Variants in ZNF600 observed in about 807,000 individuals in gnomAD.
The protein encoded by ZNF600 is zinc finger protein KR-ZNF1.
In ZNF600, 4 loss-of-function variants were observed where a neutral mutation model predicts 7.3. The observed-to-expected ratio is 0.55, with a 90% CI of 0.27 to 1.25. The LOEUF (loss-of-function observed/expected upper bound fraction) is 1.25, where lower values mean the gene tolerates loss of function less well. Among genes scored for constraint, ZNF600 ranks in the 50% most tolerant of loss-of-function variants. ZNF600 has a pLI of 0.12. For synonymous variants in ZNF600, 290 were observed against 308.9 expected, an observed-to-expected ratio of 0.94 and a Z score of 0.64; for missense variants, 911 against 922.1, an observed-to-expected ratio of 0.99 and a Z score of 0.16.
At position 52,767,679 on chromosome 19, in the gene ZNF600, C is replaced by A. The variant is rs759641506; in HGVS notation, c.284G>T (p.Ser95Ile). The A allele has an allele frequency of 2.5e-6, 4 of 1,613,994 alleles. No individual in the cohort carries two copies. The South Asian group carries it at 4.4e-5, about 18-fold the overall frequency. ...GAAGCAAAAATCTCCAATGTGATAA[C>A]TTTGATATCTTTGCAATGTCCCTGT... Residue 95 changes from serine (S) to isoleucine (I), a missense_variant, in exon 4 of 4, where the codon AGT becomes ATT. By Grantham distance (142) the Ser-to-Ile change is moderately radical. Transcript: ENST00000648973.
At chr19:52,774,416 C>T (rs764424240) in intron 3 of ZNF600, among the ~76,000 whole-genome samples, 159 bp downstream of exon 5, 4 of 145,206 alleles carry the variant, frequency 2.8e-5, no homozygotes, top group Non-Finnish European at 4.5e-5. Flanking sequence ...GTAACAAGAG[C>T]GAAGATCCAT....
the ZNF600 span, chr19:52,809,688 C>G: frequency 5.7e-5 from 21 of 367,892 alleles, no homozygotes; most frequent in Non-Finnish European, 1.4e-5. Context: ...TGCCTGTAAT[C>G]TCAGCTACTC....
At chr19:52,823,462 C>CA in the ZNF600 span, among the ~76,000 whole-genome samples, 2 of 152,148 alleles carry the variant, frequency 1.3e-5, no homozygotes, top group African/African-American at 4.8e-5. Flanking sequence ...GTGATCCACC[C>CA]ACCTTAGCCT....
the ZNF600 span, chr19:52,800,994 G>A: frequency 1.2e-6 from 2 of 1,614,160 alleles, no homozygotes; most frequent in South Asian, 1.1e-5. Context: ...GAAGAGGGAT[G>A]TATTGTGACC....
chr19:52,765,607 C>A, exon 4 of ZNF600: 1 of 1,613,720 alleles, frequency 6.2e-7, no homozygotes, highest in Non-Finnish European at 8.5e-7. Flanking sequence ...TTCCCTACAC[C>A]ATGAACTGCC....
At chr19:52,821,450 G>A in the ZNF600 span, 5 of 152,290 alleles carry the variant, frequency 3.3e-5, no homozygotes, top group African/African-American at 1.2e-4. Flanking sequence ...CGGACTCCCA[G>A]TAGAACATCT....
At chr19:52,790,342 CA>C (rs1175366035), upstream of ZNF600, among the ~76,000 whole-genome samples, 2 of 152,028 alleles carry the variant, frequency 1.3e-5, no homozygotes, top group African/African-American at 4.8e-5. Context: ...ACTAAAAATA[CA>C]AAAATTTTGC....
At chr19:52,766,953 T>C (rs1345300733) in exon 4 of ZNF600, 1 of 1,614,176 alleles carries the variant, frequency 6.2e-7, no homozygotes, top group Non-Finnish European at 8.5e-7. Context: ...TTCTCCAGTA[T>C]GAATTGCCTT....
the ZNF600 span, among the ~76,000 whole-genome samples, chr19:52,792,550 C>G: frequency 1.3e-5 from 2 of 151,950 alleles, no homozygotes; most frequent in Non-Finnish European, 2.9e-5. Context: ...GAGACTTCAT[C>G]TCAAAAAATA....
the ZNF600 span, among the ~76,000 whole-genome samples, chr19:52,822,441 G>T: frequency 6.6e-6 from 1 of 152,004 alleles, no homozygotes; most frequent in Non-Finnish European, 1.5e-5. Context: ...AATCTTCCCC[G>T]AAATGAGAAA....
At chr19:52,803,730 G>C in the ZNF600 span, among the ~76,000 whole-genome samples, 1 of 152,140 alleles carries the variant, frequency 6.6e-6, no homozygotes, top group Non-Finnish European at 1.5e-5. Flanking sequence ...ACTTTGGTAG[G>C]CTGAGGCAGG....
intron 1 of ZNF600, among the ~76,000 whole-genome samples, chr19:52,780,279 T>C (rs1388857070): frequency 6.6e-6 from 1 of 152,070 alleles, no homozygotes; most frequent in Non-Finnish European, 1.5e-5. Context: ...GTTTCACAGC[T>C]GCAGTGTCAA....
chr19:52,808,920 T>G, the ZNF600 span, among the ~76,000 whole-genome samples: 11 of 152,204 alleles, frequency 7.2e-5, no homozygotes, highest in South Asian at 1.0e-3. Flanking sequence ...AAACACTAGA[T>G]GTGAATACAA....
chr19:52,765,601 C>T (rs1474439913), exon 4 of ZNF600: 1 of 1,613,754 alleles, frequency 6.2e-7, no homozygotes, highest in Non-Finnish European at 8.5e-7. Context: ...TCAAGTTTCC[C>T]TACACCATGA....
intron 3 of ZNF600, among the ~76,000 whole-genome samples, chr19:52,768,655 C>T (rs1055499179): frequency 9.2e-5 from 14 of 151,926 alleles, no homozygotes; most frequent in East Asian, 1.9e-4. Context: ...AAGTGATCCT[C>T]CTGCCTCATC....
chr19:52,787,580 C>G (rs1274823800), upstream of ZNF600, among the ~76,000 whole-genome samples: 2 of 150,644 alleles, frequency 1.3e-5, no homozygotes, highest in African/African-American at 2.4e-5. Flanking sequence ...AAAACAAGAC[C>G]GGGCGCGCTG....
At chr19:52,804,527 T>C in the ZNF600 span, among the ~76,000 whole-genome samples, 1 of 152,180 alleles carries the variant, frequency 6.6e-6, no homozygotes, top group Non-Finnish European at 1.5e-5. Context: ...CACGCCACCA[T>C]ACACAGCTAA....
the ZNF600 span, among the ~76,000 whole-genome samples, chr19:52,832,782 T>A: frequency 6.6e-6 from 1 of 152,038 alleles, no homozygotes; most frequent in South Asian, 2.1e-4. Context: ...TCTCCTTTTT[T>A]TTCTTTTGAG....
At chr19:52,780,058 T>G (rs1376708022) in intron 1 of ZNF600, among the ~76,000 whole-genome samples, 2 of 152,068 alleles carry the variant, frequency 1.3e-5, no homozygotes. Flanking sequence ...TTGTGCCACA[T>G]TTCTCTGTGA....
Sources: gnomAD v4.1 joint callset for allele counts (sites outside exome capture counted in the v4.1 genomes callset) on GRCh38, gnomAD v4.1.1 for gene constraint, MANE v1.5 for transcripts, NCBI Gene and HGNC (gene_info 2026-07-23, HGNC 2026-07-21) for gene names.